ARHGDIB: variants seen among roughly 807,000 people sequenced by gnomAD.
The protein encoded by ARHGDIB is Rho GDP dissociation inhibitor beta.
ARHGDIB carries 20 observed loss-of-function variants against 22.6 expected under a neutral mutation model. The ratio of observed to expected loss-of-function variants is 0.88; its 90% CI spans 0.62 to 1.28. The LOEUF (loss-of-function observed/expected upper bound fraction) is 1.28. Among genes scored for constraint, ARHGDIB ranks in the 50% most tolerant of loss-of-function variants. The pLI, the probability that ARHGDIB is intolerant of heterozygous loss-of-function variation, is 0.00. For missense variants in ARHGDIB, 254 were observed against 245.4 expected, an observed-to-expected ratio of 1.04 and a Z score of -0.23; for synonymous variants, 114 against 96.1, an observed-to-expected ratio of 1.19 and a Z score of -1.09.
chr12:14,947,706 C>G, intron 4 of ARHGDIB, 167 bp downstream of exon 4: 1 of 598,534 alleles, frequency 1.7e-6, no homozygotes, highest in Non-Finnish European at 2.9e-6. Flanking sequence ...AAACGTGGGT[C>G]TCAACAGGTA....
Position 14,956,882 on chromosome 12 carries a change from A to G in ARHGDIB, c.-13+4655T>C, listed in dbSNP as rs187698594. 2.0e-5 allele frequency among the ~76,000 whole-genome samples: 3 copies of G among 152,364 alleles called. No homozygotes were observed. In the East Asian group the frequency reaches 5.8e-4, roughly 29 times the overall value. On this transcript the variant is annotated intron_variant, in intron 1 of 5. Transcript: ENST00000228945. ...ATTAGGATGGTTACTCACAGCATGC[A>G]TATGACATAGCACACATCAATGTTT...
chr12:14,944,337 C>T (rs565961979), intron 5 of ARHGDIB, among the ~76,000 whole-genome samples: 3 of 149,662 alleles, frequency 2.0e-5, no homozygotes, highest in Admixed American at 2.0e-4. Flanking sequence ...CCTCCCCCTT[C>T]CCTCCAATGC....
chr12:14,946,110 T>C (rs542950865), intron 4 of ARHGDIB, among the ~76,000 whole-genome samples: 3 of 152,210 alleles, frequency 2.0e-5, no homozygotes, highest in Admixed American at 2.0e-4. Flanking sequence ...TTGGGGTGGG[T>C]GAAATAAAAC....
intron 1 of ARHGDIB, among the ~76,000 whole-genome samples, chr12:14,955,637 C>A (rs1478481938): frequency 6.6e-6 from 1 of 152,164 alleles, no homozygotes; most frequent in Non-Finnish European, 1.5e-5. Context: ...CATTGTACTG[C>A]ATTTTTAACG....
At chr12:14,953,818 G>GCTCT (rs147117659) in intron 1 of ARHGDIB, among the ~76,000 whole-genome samples, 108 of 146,492 alleles carry the variant, frequency 7.4e-4, no homozygotes, top group African/African-American at 2.6e-3. Context: ...GCTTTTGCTT[G>GCTCT]CTCTCTCTCT....
chr12:14,955,899 C>T (rs564425386), intron 1 of ARHGDIB, among the ~76,000 whole-genome samples: 2 of 152,120 alleles, frequency 1.3e-5, no homozygotes, highest in Non-Finnish European at 2.9e-5. Context: ...ATTATTAATA[C>T]AAATTATAAT....
chr12:14,943,629 G>A (rs997172097), intron 5 of ARHGDIB, among the ~76,000 whole-genome samples: 1 of 151,882 alleles, frequency 6.6e-6, no homozygotes, highest in African/African-American at 2.4e-5. Flanking sequence ...GAGAATTCAT[G>A]GATAGAATAA....
At chr12:14,955,021 C>T (rs1228875414) in intron 1 of ARHGDIB, among the ~76,000 whole-genome samples, 1 of 152,098 alleles carries the variant, frequency 6.6e-6, no homozygotes, top group African/African-American at 2.4e-5. Flanking sequence ...CCAACAGATG[C>T]TGCATATTTT....
intron 4 of ARHGDIB, 168 bp downstream of exon 4, chr12:14,947,703 GGT>G: frequency 1.7e-6 from 1 of 591,638 alleles, no homozygotes; most frequent in East Asian, 2.8e-5. Context: ...GGCAAACGTG[GGT>G]CTCAACAGGT....
chr12:14,958,100 C>T (rs1341633716), intron 1 of ARHGDIB, among the ~76,000 whole-genome samples: 1 of 152,174 alleles, frequency 6.6e-6, no homozygotes, highest in Non-Finnish European at 1.5e-5. Flanking sequence ...ACACTGTTGA[C>T]ATTTCAGAGC....
At chr12:14,947,674 T>G (rs758006731) in intron 4 of ARHGDIB, 199 bp downstream of exon 4, 47 of 559,856 alleles carry the variant, frequency 8.4e-5, no homozygotes, top group Non-Finnish European at 1.3e-4. Context: ...TAAGAAGTCC[T>G]GGCTAGGAAA....
intron 1 of ARHGDIB, among the ~76,000 whole-genome samples, chr12:14,957,521 C>T (rs991891767): frequency 6.6e-6 from 1 of 152,182 alleles, no homozygotes; most frequent in African/African-American, 2.4e-5. Flanking sequence ...TGTTTAAAAA[C>T]TGAATCAACC....
chr12:14,943,726 T>A (rs547336570), intron 5 of ARHGDIB, among the ~76,000 whole-genome samples: 46 of 152,184 alleles, frequency 3.0e-4, no homozygotes, highest in African/African-American at 9.9e-4. Flanking sequence ...CAAGTTTATT[T>A]ATAGGTGGTT....
chr12:14,946,179 C>T (rs1451340345), intron 4 of ARHGDIB, among the ~76,000 whole-genome samples: 3 of 152,186 alleles, frequency 2.0e-5, no homozygotes, highest in African/African-American at 7.2e-5. Flanking sequence ...TTGTGTCTCC[C>T]ACTCCAGGGG....
At chr12:14,946,232 G>T (rs1271279256) in intron 4 of ARHGDIB, among the ~76,000 whole-genome samples, 1 of 152,214 alleles carries the variant, frequency 6.6e-6, no homozygotes, top group African/African-American at 2.4e-5. Flanking sequence ...AGCTGTGGAA[G>T]TCAGAGATAC....
chr12:14,947,304 T>A lies in ARHGDIB; in HGVS notation c.342+569A>T, dbSNP rs147378843. Among the ~76,000 whole-genome samples, 1,214 of 152,346 alleles carry A rather than the reference T, an allele frequency of 8.0e-3. 21 individuals are homozygous for A. The highest frequency in any genetic ancestry group is 0.028 in the African/African-American group (1,162 of 41,586). ...TTTATTTCTTATTTAGTTTCCTCTT[T>A]CCTGGTTACCTGTTCCACAACTATA... On this transcript the variant is annotated intron_variant, in intron 4 of 5. Transcript: ENST00000228945.
intron 3 of ARHGDIB, among the ~76,000 whole-genome samples, chr12:14,948,544 G>A (rs10772825): frequency 0.49 from 73,988 of 151,960 alleles, 18,339 homozygotes; most frequent in Non-Finnish European, 0.54. Context: ...GAATATCACT[G>A]AAGTTATAAA....
chr12:14,950,004 A>G, intron 2 of ARHGDIB, 119 bp from the exon 3 acceptor site: 1 of 920,400 alleles, frequency 1.1e-6, no homozygotes, highest in Non-Finnish European at 1.6e-6. Flanking sequence ...CTGGAGTAGA[A>G]ATAGAAATGG....
In ARHGDIB at chr12:14,947,916, A is replaced by G; in HGVS notation, c.299T>C (p.Val100Ala). The G allele has an allele frequency of 6.2e-7, 1 of 1,613,378 alleles. No homozygotes were observed. The highest frequency in any genetic ancestry group is 8.5e-7 in the Non-Finnish European group (1 of 1,179,310). Residue 100 changes from valine (V) to alanine (A), a missense_variant, in exon 4 of 6, where the codon GTG becomes GCG. By Grantham distance (64) the Val-to-Ala change is moderately conservative. Coordinates refer to ENST00000228945, the MANE Select transcript of ARHGDIB (RefSeq NM_001175.7). The stretch of plus-strand genomic sequence containing the variant: ...TCTATATTCAGAACCTTCCTTTAAC[A>G]CAATGGTTTCCTTTTTGAGGGCTTC... ...DLEALKKETI[V>A]LKEGSEYRVK...
Sources: gnomAD v4.1 joint callset for allele counts (sites outside exome capture counted in the v4.1 genomes callset) on GRCh38, gnomAD v4.1.1 for gene constraint, MANE v1.5 for transcripts, NCBI Gene and HGNC (gene_info 2026-07-23, HGNC 2026-07-21) for gene names.